ATRNL1: variants seen among roughly 807,000 people sequenced by gnomAD.
The protein encoded by ATRNL1 is attractin like 1, also known as attractin-like protein 1.
In ATRNL1, 95 loss-of-function variants were observed where a neutral mutation model predicts 182.7. The ratio of observed to expected loss-of-function variants is 0.52; its 90% CI spans 0.44 to 0.62. ATRNL1 has a LOEUF of 0.62. ATRNL1 is among the 20% of genes least tolerant of loss of function. ATRNL1 has a pLI of 0.00. For missense variants in ATRNL1, 1,471 were observed against 1,679.5 expected (o/e 0.88, Z 2.17); for synonymous variants, 576 against 568.3 (o/e 1.01, Z -0.19).
intron 21 of ATRNL1, among the ~76,000 whole-genome samples, chr10:115,458,497 T>C (rs1286993761): frequency 1.3e-5 from 2 of 152,122 alleles, no homozygotes; most frequent in African/African-American, 2.4e-5. Flanking sequence ...GACATTAGGA[T>C]TGATCATTAC....
At chr10:115,434,205 T>C (rs561517463) in intron 21 of ATRNL1, among the ~76,000 whole-genome samples, 3 of 152,268 alleles carry the variant, frequency 2.0e-5, no homozygotes, top group Admixed American at 6.5e-5. Flanking sequence ...CTTATAGATA[T>C]ATAGCTCATT....
intron 26 of ATRNL1, among the ~76,000 whole-genome samples, chr10:115,569,355 T>A (rs1443385247): frequency 6.6e-6 from 1 of 152,226 alleles, no homozygotes; most frequent in Non-Finnish European, 1.5e-5. Context: ...TGTGCAGGTA[T>A]AATTATAGGA....
At chr10:115,656,190 GTA>G (rs1182852665) in intron 26 of ATRNL1, among the ~76,000 whole-genome samples, 1 of 152,066 alleles carries the variant, frequency 6.6e-6, no homozygotes, top group Non-Finnish European at 1.5e-5. Context: ...CAAATACTTT[GTA>G]ATGTCCCCTT....
At chr10:115,309,088 G>T (rs2133997037) in intron 17 of ATRNL1, among the ~76,000 whole-genome samples, 1 of 152,022 alleles carries the variant, frequency 6.6e-6, no homozygotes, top group South Asian at 2.1e-4. Flanking sequence ...TTATATCTGG[G>T]TTCTCTATTC....
chr10:115,803,569 T>C (rs1237425927), intron 27 of ATRNL1, among the ~76,000 whole-genome samples: 1 of 151,390 alleles, frequency 6.6e-6, no homozygotes, highest in Non-Finnish European at 1.5e-5. Flanking sequence ...TCTTGCATAA[T>C]TTTTGTTTTA....
At chr10:115,522,607 C>T (rs1291837116) in intron 25 of ATRNL1, among the ~76,000 whole-genome samples, 1 of 152,148 alleles carries the variant, frequency 6.6e-6, no homozygotes, top group Non-Finnish European at 1.5e-5. Context: ...GTGTTCTTCT[C>T]ACATACAAAA....
intron 27 of ATRNL1, among the ~76,000 whole-genome samples, chr10:115,806,845 T>C (rs1228746640): frequency 6.6e-6 from 1 of 152,118 alleles, no homozygotes; most frequent in Non-Finnish European, 1.5e-5. Flanking sequence ...GAGGATTAAA[T>C]TAGTTAATAT....
intron 27 of ATRNL1, among the ~76,000 whole-genome samples, chr10:115,822,657 A>G (rs550390005): frequency 7.9e-5 from 12 of 152,334 alleles, no homozygotes; most frequent in African/African-American, 2.6e-4. Context: ...AAACACCTCT[A>G]TGCAAATAAA....
intron 3 of ATRNL1, 46 bp from the exon 4 acceptor site, chr10:115,127,547 C>G (rs1845026415): frequency 6.7e-7 from 1 of 1,483,372 alleles, no homozygotes; most frequent in African/African-American, 1.4e-5. Flanking sequence ...GCTTAACAGT[C>G]TTATGTATAT....
intron 20 of ATRNL1, among the ~76,000 whole-genome samples, chr10:115,405,866 C>T (rs2134319270): frequency 7.8e-6 from 1 of 128,022 alleles, no homozygotes; most frequent in South Asian, 2.8e-4. Flanking sequence ...CAACAGGCCC[C>T]AGTTTGTGAT....
intron 9 of ATRNL1, among the ~76,000 whole-genome samples, chr10:115,224,950 T>C (rs932383805): frequency 6.6e-6 from 1 of 152,034 alleles, no homozygotes; most frequent in African/African-American, 2.4e-5. Context: ...ATTTAAGAAA[T>C]AAGCATTTAA....
chr10:115,777,676 C>A (rs1319167934), intron 27 of ATRNL1, among the ~76,000 whole-genome samples: 1 of 152,090 alleles, frequency 6.6e-6, no homozygotes, highest in African/African-American at 2.4e-5. Flanking sequence ...GTTCATTTAA[C>A]AAAAACTGGC....
At chr10:115,318,842 G>C (rs1200583085) in intron 18 of ATRNL1, among the ~76,000 whole-genome samples, 1 of 151,958 alleles carries the variant, frequency 6.6e-6, no homozygotes, top group Non-Finnish European at 1.5e-5. Flanking sequence ...CAAAAAACCA[G>C]CTCCTGAATT....
At chr10:115,900,224 C>T (rs1555113338) in intron 28 of ATRNL1, among the ~76,000 whole-genome samples, 1 of 151,992 alleles carries the variant, frequency 6.6e-6, no homozygotes, top group Non-Finnish European at 1.5e-5. Flanking sequence ...TAAATTGGGC[C>T]CATACCTCCT....
intron 27 of ATRNL1, among the ~76,000 whole-genome samples, chr10:115,729,495 TTGTGTGTGTGTGTGTG>T (rs139166434): frequency 1.4e-5 from 2 of 142,100 alleles, no homozygotes; most frequent in African/African-American, 2.6e-5. Context: ...CTACCCCATT[TTGTGTGTGTGTGTGTG>T]TGTGTGTGTG....
At chr10:115,919,169 T>C (rs1208015974) in intron 28 of ATRNL1, among the ~76,000 whole-genome samples, 3 of 152,054 alleles carry the variant, frequency 2.0e-5, no homozygotes, top group African/African-American at 4.8e-5. Flanking sequence ...GGTCAACAGA[T>C]TGTGATTATG....
chr10:115,853,538 T>G (rs1951104206), intron 28 of ATRNL1, among the ~76,000 whole-genome samples: 2 of 152,218 alleles, frequency 1.3e-5, no homozygotes, highest in Non-Finnish European at 2.9e-5. Context: ...CTGAAATTTC[T>G]ATTCCTTCAC....
At chr10:115,393,052 G>A (rs781965545) in intron 19 of ATRNL1, among the ~76,000 whole-genome samples, 15 of 152,160 alleles carry the variant, frequency 9.9e-5, no homozygotes, top group Non-Finnish European at 2.2e-4. Context: ...AAAAACTTCT[G>A]TGAAGTCCCA....
intron 28 of ATRNL1, among the ~76,000 whole-genome samples, chr10:115,887,053 A>G (rs1351427570): frequency 2.0e-5 from 3 of 152,186 alleles, no homozygotes; most frequent in Non-Finnish European, 2.9e-5. Context: ...GGCATCATGT[A>G]TTGGCATTGA....
Sources: gnomAD v4.1 joint callset for allele counts (sites outside exome capture counted in the v4.1 genomes callset) on GRCh38, gnomAD v4.1.1 for gene constraint, MANE v1.5 for transcripts, NCBI Gene and HGNC (gene_info 2026-07-23, HGNC 2026-07-21) for gene names.